RAB38: variants seen among roughly 807,000 people sequenced by gnomAD.
The protein encoded by RAB38 is RAB38, member RAS oncogene family.
Under a neutral mutation model 18.4 loss-of-function variants are expected in RAB38, and 15 were observed. The ratio of observed to expected loss-of-function variants is 0.82; its 90% confidence interval spans 0.55 to 1.26. The LOEUF is 1.26. Among genes scored for constraint, RAB38 ranks in the 50% most tolerant of loss-of-function variants. The pLI is 0.00. For missense variants in RAB38, 294 were observed against 267.4 expected (o/e 1.10, Z -0.69); for synonymous variants, 101 against 104.4 (o/e 0.97, Z 0.20).
intron 2 of RAB38, among the ~76,000 whole-genome samples, chr11:88,123,900 A>G (rs1942659312): frequency 6.6e-6 from 1 of 152,198 alleles, no homozygotes; most frequent in African/African-American, 2.4e-5. Context: ...TATGGATAAG[A>G]CCCACTTCTA....
At chr11:87,855,370 T>C in the RAB38 span, among the ~76,000 whole-genome samples, 1 of 152,146 alleles carries the variant, frequency 6.6e-6, no homozygotes, top group Non-Finnish European at 1.5e-5. Context: ...TCTCTTGCTC[T>C]TCCATTTCAA....
the RAB38 span, among the ~76,000 whole-genome samples, chr11:87,936,408 C>A: frequency 6.6e-6 from 1 of 151,978 alleles, no homozygotes; most frequent in Non-Finnish European, 1.5e-5. Flanking sequence ...AGTAATCTTT[C>A]CTCCATTAAA....
the RAB38 span, among the ~76,000 whole-genome samples, chr11:87,824,536 G>A: frequency 6.6e-6 from 1 of 152,162 alleles, no homozygotes; most frequent in African/African-American, 2.4e-5. Flanking sequence ...GTAATTGACA[G>A]TTCGGAGACA....
chr11:88,037,933 A>G, the RAB38 span, among the ~76,000 whole-genome samples: 1 of 152,190 alleles, frequency 6.6e-6, no homozygotes, highest in Non-Finnish European at 1.5e-5. Context: ...CAAAAGGTAT[A>G]AACAATCATA....
the RAB38 span, among the ~76,000 whole-genome samples, chr11:87,976,326 T>C: frequency 6.9e-6 from 1 of 143,932 alleles, no homozygotes; most frequent in African/African-American, 2.5e-5. Flanking sequence ...ACCAGAGTTT[T>C]TTATATGTAG....
At chr11:88,146,427 G>A (rs1289537674) in intron 2 of RAB38, among the ~76,000 whole-genome samples, 1 of 152,160 alleles carries the variant, frequency 6.6e-6, no homozygotes, top group Non-Finnish European at 1.5e-5. Context: ...CACTCAAAAG[G>A]ACTCTAATTT....
the RAB38 span, among the ~76,000 whole-genome samples, chr11:88,004,278 G>T: frequency 0.017 from 2,582 of 150,670 alleles, 26 homozygotes; most frequent in South Asian, 0.032. Flanking sequence ...TTTGTAAAAG[G>T]TATGATACAT....
At chr11:87,967,796 G>A in the RAB38 span, among the ~76,000 whole-genome samples, 23 of 152,228 alleles carry the variant, frequency 1.5e-4, no homozygotes, top group African/African-American at 4.3e-4. Flanking sequence ...TTTCTCTTTC[G>A]AAAATAATGT....
At chr11:87,808,091 C>T in the RAB38 span, among the ~76,000 whole-genome samples, 10 of 152,172 alleles carry the variant, frequency 6.6e-5, no homozygotes, top group Non-Finnish European at 1.2e-4. Context: ...TATTTTCACA[C>T]TTGCACATTA....
At chr11:87,891,075 C>T in the RAB38 span, among the ~76,000 whole-genome samples, 1 of 151,742 alleles carries the variant, frequency 6.6e-6, no homozygotes, top group Admixed American at 6.6e-5. Context: ...ACAATACATT[C>T]CATGAGAAAG....
At chr11:88,103,021 C>T in the RAB38 span, among the ~76,000 whole-genome samples, 3 of 142,202 alleles carry the variant, frequency 2.1e-5, no homozygotes, top group Non-Finnish European at 4.5e-5. Context: ...TTTGTAAATG[C>T]GTGCTGTAAT....
At chr11:88,159,234 T>TAAATAAATAAAA (rs1429776111) in intron 1 of RAB38, among the ~76,000 whole-genome samples, 24 of 139,102 alleles carry the variant, frequency 1.7e-4, no homozygotes, top group Admixed American at 1.4e-4. Flanking sequence ...AATAAATAAA[T>TAAATAAATAAAA]AAAAATAAAA....
chr11:88,128,704 T>G (rs1452580819), intron 2 of RAB38, among the ~76,000 whole-genome samples: 2 of 152,238 alleles, frequency 1.3e-5, no homozygotes, highest in African/African-American at 4.8e-5. Context: ...CTTCCTACCC[T>G]CAACCTCAGT....
the RAB38 span, among the ~76,000 whole-genome samples, chr11:87,884,623 T>C: frequency 6.6e-6 from 1 of 151,918 alleles, no homozygotes. Context: ...TTGTGAGTTA[T>C]TACTGTAGGA....
the RAB38 span, among the ~76,000 whole-genome samples, chr11:87,863,664 T>G: frequency 6.6e-5 from 10 of 151,808 alleles, no homozygotes; most frequent in Non-Finnish European, 1.2e-4. Context: ...AGTTTATCAT[T>G]CATTGCTTGA....
At chr11:88,007,052 A>G in the RAB38 span, among the ~76,000 whole-genome samples, 1 of 151,924 alleles carries the variant, frequency 6.6e-6, no homozygotes, top group Non-Finnish European at 1.5e-5. Context: ...TGGATATGCT[A>G]ATTACCCTGA....
At chr11:88,057,608 C>T in the RAB38 span, among the ~76,000 whole-genome samples, 1 of 152,168 alleles carries the variant, frequency 6.6e-6, no homozygotes, top group Non-Finnish European at 1.5e-5. Flanking sequence ...ATGTTAACTC[C>T]TGTATTAAAG....
the RAB38 span, among the ~76,000 whole-genome samples, chr11:87,949,279 T>G: frequency 6.6e-5 from 10 of 152,210 alleles, no homozygotes; most frequent in Admixed American, 5.9e-4. Flanking sequence ...TTCTTCTCTC[T>G]TTTCTTCTTT....
the RAB38 span, among the ~76,000 whole-genome samples, chr11:87,926,411 G>A: frequency 2.0e-5 from 3 of 151,970 alleles, no homozygotes; most frequent in African/African-American, 7.2e-5. Context: ...ATCGACTTCC[G>A]GAAAGTGAGC....
Sources: allele counts gnomAD v4.1 joint callset (sites outside exome capture counted in the v4.1 genomes callset), GRCh38; gene constraint gnomAD v4.1.1; transcripts MANE v1.5; gene names NCBI Gene and HGNC (gene_info 2026-07-23, HGNC 2026-07-21).